CYP27B1: variants seen among roughly 807,000 people sequenced by gnomAD.
CYP27B1 encodes the protein 25-hydroxyvitamin D-1 alpha hydroxylase, mitochondrial.
CYP27B1 carries 46 observed loss-of-function variants against 54.8 expected under a neutral mutation model. That is an observed-to-expected ratio of 0.84 (90% CI 0.66 to 1.07). The LOEUF is 1.07. Ranked by LOEUF, CYP27B1 falls within the 50% of genes least tolerant of loss-of-function variation. The pLI, the probability that CYP27B1 is intolerant of heterozygous loss-of-function variation, is 0.00. For missense variants in CYP27B1, 674 were observed against 692.2 expected (o/e 0.97, Z 0.30); for synonymous variants, 292 against 297.3 (o/e 0.98, Z 0.18).
intron 8 of CYP27B1, 43 bp downstream of exon 8, chr12:57,763,568 G>A: frequency 1.3e-6 from 2 of 1,537,756 alleles, no homozygotes; most frequent in Non-Finnish European, 1.8e-6. Flanking sequence ...AGAGGGTTAG[G>A]GTCTCTCCAG....
Position 57,766,185 on chromosome 12 carries a change from C to T in CYP27B1, c.208G>A (p.Ala70Thr), listed in dbSNP as rs761605625. 3.2e-6 allele frequency: 5 copies of T among 1,539,292 alleles called. No individual in the cohort carries two copies. Among genetic ancestry groups the T allele is most frequent in the African/African-American group, 1.4e-5 (1 of 72,862 alleles). Residue 70 changes from alanine to threonine, a missense_variant, in exon 2 of 9, where the codon GCG becomes ACG. By Grantham distance (58) the Ala-to-Thr change is moderately conservative (BLOSUM62 0). Coordinates refer to ENST00000228606, the MANE Select transcript of CYP27B1 (RefSeq NM_000785.4). ...GCTAGCCACACCGGCCCGAAGTGCGCGGCGCCCTGCACCTGGGGGAGCGGA... is the reference window on the plus strand; with the variant it reads ...GCTAGCCACACCGGCCCGAAGTGCGTGGCGCCCTGCACCTGGGGGAGCGGA... ...RLHELQVQGA[A>T]HFGPVWLASF...
At chr12:57,763,292 T>C (rs1463029839) in intron 8 of CYP27B1, 37 bp from the exon 9 acceptor site, 3 of 1,441,842 alleles carry the variant, frequency 2.1e-6, no homozygotes, top group Non-Finnish European at 2.9e-6. Context: ...CTATGAAAGA[T>C]ATCTATAATG....
At position 57,765,307 on chromosome 12, in the gene CYP27B1, G is replaced by A; in HGVS notation, c.579C>T (p.Phe193=). The part of the protein sequence containing the change: ...VRDVAGEFYK[F]GLEGIAAVLL... Reference sequence around the variant, plus strand: ...TGTCCTGGGACTCACCTTCCAGTCCGAACTTGTAAAATTCCCCCGCCACGT... The same window carrying A: ...TGTCCTGGGACTCACCTTCCAGTCCAAACTTGTAAAATTCCCCCGCCACGT... Residue 193 remains phenylalanine (F), a synonymous_variant, in exon 3 of 9, where the codon TTC becomes TTT. Transcript: ENST00000228606. The surrounding 1 kb of genome is among the most constrained non-coding windows in gnomAD (Gnocchi z 5.8). 14 of 1,612,986 alleles carry A rather than the reference G, an allele frequency of 8.7e-6. No individual in the cohort carries two copies. The highest frequency in any genetic ancestry group is 1.2e-5 in the Non-Finnish European group (14 of 1,179,740).
chr12:57,765,695 C>G lies in CYP27B1; in HGVS notation c.387-196G>C, dbSNP rs1309251609. 1 of 836,818 alleles carries G rather than the reference C, an allele frequency of 1.2e-6. No individual in the cohort carries two copies. Among genetic ancestry groups the G allele is most frequent in the Non-Finnish European group, 2.0e-6 (1 of 507,738 alleles). The allele number at this position is 836,818 out of a possible 1,614,324, so 51.8% of individuals were successfully genotyped here. Reference sequence around the variant, plus strand: ...TTACTCATTTCCTGCCCTCAGGGGCCGGGGTTCCCGGGTAACTTGAGTCAC... The same window carrying G: ...TTACTCATTTCCTGCCCTCAGGGGCGGGGGTTCCCGGGTAACTTGAGTCAC... On this transcript the variant is annotated intron_variant, in intron 2 of 8. Transcript: ENST00000228606. The surrounding 1 kb of genome is among the most constrained non-coding windows in gnomAD (Gnocchi z 5.8).
At position 57,766,035 on chromosome 12, in the gene CYP27B1, G is replaced by T. The variant is rs763451961; in HGVS notation, c.358C>A (p.Arg120Ser). ...FSPWTEHRRCRQRACGLLTAE... is the reference protein window; with the variant it reads ...FSPWTEHRRCSQRACGLLTAE... The stretch of plus-strand genomic sequence containing the variant: ...GTGAGCAGTCCGCAAGCCCGCTGGC[G>T]GCAGCGGCGGTGCTCCGTCCAGGGC... Residue 120 changes from arginine to serine, a missense_variant, in exon 2 of 9, where the codon CGC (arginine) becomes AGC (serine). Physicochemically the swap from Arg to Ser is moderately radical, Grantham distance 110 (BLOSUM62 -1). Coordinates refer to ENST00000228606, the MANE Select transcript of CYP27B1 (RefSeq NM_000785.4). The T allele has an allele frequency of 9.6e-6, 15 of 1,569,614 alleles. No homozygotes were observed. In the African/African-American group the frequency reaches 1.3e-4, roughly 14 times the overall value.
rs571216261 is a variant in CYP27B1, at chr12:57,765,239, T to A, written c.590-28A>T. ...TGTCGGGAGGGGGCGCCGTCAGGGT[T>A]CCGGGAGGCTCTGGTAGGGCGCCCC... On this transcript the variant is annotated intron_variant, in intron 3 of 8. Coordinates refer to ENST00000228606, the MANE Select transcript of CYP27B1 (RefSeq NM_000785.4). The surrounding 1 kb of genome is among the most constrained non-coding windows in gnomAD (Gnocchi z 5.8). 2 of 1,611,442 alleles carry A rather than the reference T, an allele frequency of 1.2e-6. No homozygotes were observed. Among genetic ancestry groups the A allele is most frequent in the African/African-American group, 2.7e-5 (2 of 75,008 alleles).
Position 57,763,484 on chromosome 12 carries a change from A to G in CYP27B1, c.1413+127T>C, listed in dbSNP as rs1955334706. ...ACTCCAGGCCTATAATGGGCTTATCATATTTCAGAAGATTCATTCTACCAG... is the reference window on the plus strand; with the variant it reads ...ACTCCAGGCCTATAATGGGCTTATCGTATTTCAGAAGATTCATTCTACCAG... On this transcript the variant is annotated intron_variant, in intron 8 of 8. Coordinates refer to ENST00000228606, the MANE Select transcript of CYP27B1 (RefSeq NM_000785.4). 1.3e-5 allele frequency: 13 copies of G among 978,604 alleles called. No individual in the cohort carries two copies. The South Asian group carries it at 1.5e-4, about 12-fold the overall frequency. The allele number at this position is 978,604 out of a possible 1,614,324, so 60.6% of individuals were successfully genotyped here. A position where few individuals can be genotyped will look rare whatever the true frequency, so the allele number is the denominator to read the frequency against.
At position 57,766,637 on chromosome 12, in the gene CYP27B1, G is replaced by GA. The variant is rs1158946990; in HGVS notation, c.195+209_195+210insT. 1.3e-5 allele frequency: 8 copies of GA among 624,184 alleles called. No homozygotes were observed. The African/African-American group carries it at 1.5e-4, about 12-fold the overall frequency. 38.7% of individuals were successfully genotyped at this position (624,184 alleles called of 1,614,324 possible). On this transcript the variant is annotated intron_variant, in intron 1 of 8. Coordinates refer to ENST00000228606, the MANE Select transcript of CYP27B1 (RefSeq NM_000785.4). Reference sequence around the variant, plus strand: ...CTCCACACCTCAGGACAGCGAGAAGGCGCTTTCGCAGCGCCCTCTGCTAAG... The same window carrying GA: ...CTCCACACCTCAGGACAGCGAGAAGGACGCTTTCGCAGCGCCCTCTGCTAAG...
At chr12:57,766,794 T>C in intron 1 of CYP27B1, 53 bp downstream of exon 1, 1 of 1,587,748 alleles carries the variant, frequency 6.3e-7, no homozygotes, top group Non-Finnish European at 8.7e-7. Context: ...TTTCTGACGC[T>C]GTCAAAACCA....
chr12:57,763,538 G>T, intron 8 of CYP27B1, 73 bp downstream of exon 8: 1 of 1,320,822 alleles, frequency 7.6e-7, no homozygotes, highest in Non-Finnish European at 1.1e-6. Flanking sequence ...TGCTTGTCAG[G>T]GGAAAGAGCT....
chr12:57,766,078 G>GGGCC lies in CYP27B1; in HGVS notation c.311_314dup (p.Glu106AlafsTer228). The GGGCC allele has an allele frequency of 6.4e-7, 1 of 1,552,750 alleles. No individual in the cohort carries two copies. On this transcript the variant is annotated frameshift_variant, in exon 2 of 9. Coordinates refer to ENST00000228606, the MANE Select transcript of CYP27B1 (RefSeq NM_000785.4). LOFTEE classifies it high-confidence loss of function. ...TCCAGGGCGAGAAGCTGCAGCGCTC[G>GGGCC]GGCCGGGGTCCCTCCTGTCGCAGCA... is the stretch of plus-strand genomic sequence containing the variant.
chr12:57,763,192 T>A lies in CYP27B1; in HGVS notation c.1477A>T (p.Thr493Ser), dbSNP rs1471141385. 1.9e-6 allele frequency: 3 copies of A among 1,614,042 alleles called. No individual in the cohort carries two copies. In the African/African-American group the frequency reaches 4.0e-5, roughly 22 times the overall value. ...ATGCTCCTTTCAGGTACCAGGACAG[T>A]CCGGGTCTTGGGTCTAACTGGGGCC... ...GAAPVRPKTRTVLVPERSINL... is the reference protein window; with the variant it reads ...GAAPVRPKTRSVLVPERSINL... Residue 493 changes from threonine to serine, a missense_variant, in exon 9 of 9, where the codon ACT (threonine) becomes TCT (serine). Coordinates refer to ENST00000228606, the MANE Select transcript of CYP27B1 (RefSeq NM_000785.4).
chr12:57,764,634 G>A (rs1341733959), intron 5 of CYP27B1, 84 bp from the exon 6 acceptor site: 24 of 1,590,526 alleles, frequency 1.5e-5, no homozygotes, highest in Non-Finnish European at 1.9e-5. Context: ...TGGGGCTACA[G>A]GGTGCTAAGC....
chr12:57,764,847 C>T lies in CYP27B1; in HGVS notation c.870G>A (p.Gly290=). ...GGAACAGGAAGTGGGTCAGGTGCGC[C>T]CCAGACTCCAGGTCCTTCTCGGGCT... is the stretch of plus-strand genomic sequence containing the variant. ...GGQPEKDLES[G]AHLTHFLFRE... is the part of the protein sequence containing the mutation. The change falls in exon 5 of 9, where the codon GGG becomes GGA. Residue 290 remains glycine, a synonymous_variant. Transcript: ENST00000228606. The T allele has an allele frequency of 6.2e-7, 1 of 1,614,186 alleles. No homozygotes were observed. The highest frequency in any genetic ancestry group is 8.5e-7 in the Non-Finnish European group (1 of 1,180,040).
In CYP27B1 at chr12:57,763,796, G is replaced by C; in HGVS notation, c.1228C>G (p.Leu410Val). 1.9e-6 allele frequency: 3 copies of C among 1,614,190 alleles called. No individual in the cohort carries two copies. The highest frequency in any genetic ancestry group is 2.5e-6 in the Non-Finnish European group (3 of 1,180,024). The part of the protein sequence containing the change: ...YIIPKNTLVT[L>V]CHYATSRDPA... Reference sequence around the variant, plus strand: ...TCCCTTGAAGTGGCATAGTGACACAGAGTGACCAGCGTCTGGTGCAAAGGA... The same window carrying C: ...TCCCTTGAAGTGGCATAGTGACACACAGTGACCAGCGTCTGGTGCAAAGGA... The change falls in exon 8 of 9, where the codon CTG becomes GTG. Residue 410 changes from leucine (L) to valine (V), a missense_variant. Transcript: ENST00000228606.
chr12:57,763,364 T>C, intron 8 of CYP27B1, 109 bp from the exon 9 acceptor site: 2 of 923,576 alleles, frequency 2.2e-6, no homozygotes, highest in African/African-American at 3.3e-5. Flanking sequence ...GAATGGTCAA[T>C]GATTGGGTGG....
In CYP27B1 at chr12:57,765,483, G is replaced by C; in HGVS notation, c.403C>G (p.Gln135Glu). The C allele has an allele frequency of 1.2e-6, 2 of 1,611,324 alleles. No individual in the cohort carries two copies. Among genetic ancestry groups the C allele is most frequent in the Non-Finnish European group, 1.7e-6 (2 of 1,179,022 alleles). The change falls in exon 3 of 9, where the codon CAA (glutamine) becomes GAA (glutamate). Residue 135 changes from glutamine (Q) to glutamate (E), a missense_variant. Gln to Glu is a conservative substitution (Grantham distance 29). Coordinates refer to ENST00000228606, the MANE Select transcript of CYP27B1 (RefSeq NM_000785.4). This position sits in a 1 kb window ranked among gnomAD's most constrained non-coding sequence, Gnocchi z 5.8. Reference protein sequence around the residue: ...GLLTAEGEEWQRLRSLLAPLL... With the variant: ...GLLTAEGEEWERLRSLLAPLL... ...GGGGCCAGGAGACTGCGGAGCCTTT[G>C]CCATTCTTCGCCTTCCCTGCAGGGT... is the stretch of plus-strand genomic sequence containing the variant.
In CYP27B1 at chr12:57,766,871, C is replaced by T. The variant is rs1955366450; in HGVS notation, c.171G>A (p.Gly57=). The part of the protein sequence containing the change: ...SFLAELFCKG[G]LSRLHELQVQ... ...CCTGCAGCTCGTGTAGCCTCGACAGCCCCCCCTTGCAGAAAAGTTCGGCCA... is the reference window on the plus strand; with the variant it reads ...CCTGCAGCTCGTGTAGCCTCGACAGTCCCCCCTTGCAGAAAAGTTCGGCCA... The change falls in exon 1 of 9, where the codon GGG becomes GGA. Residue 57 remains glycine (G), a synonymous_variant. Coordinates refer to ENST00000228606, the MANE Select transcript of CYP27B1 (RefSeq NM_000785.4). The T allele has an allele frequency of 2.5e-6, 4 of 1,614,020 alleles. No homozygotes were observed. The highest frequency in any genetic ancestry group is 2.2e-5 in the East Asian group (1 of 44,898).
intron 1 of CYP27B1, 27 bp from the exon 2 acceptor site, chr12:57,766,224 T>TG (rs1320868827): frequency 6.6e-7 from 1 of 1,512,854 alleles, no homozygotes; most frequent in South Asian, 1.2e-5. Context: ...AGCGGACACT[T>TG]GGATACCTGG....
Sources: gnomAD v4.1 joint callset for allele counts on GRCh38, gnomAD v4.1.1 for gene constraint, Gnocchi (gnomAD v3.1) non-coding constraint, MANE v1.5 for transcripts, NCBI Gene and HGNC (gene_info 2026-07-23, HGNC 2026-07-21) for gene names.